TMEM132C: variants seen among roughly 807,000 people sequenced by gnomAD.
TMEM132C encodes transmembrane protein 132C, also known as protein phosphatase 1, regulatory subunit 152.
A neutral mutation model predicts 61.4 loss-of-function variants in TMEM132C; 29 were observed. That is an observed-to-expected ratio of 0.47 (90% CI 0.35 to 0.64). The LOEUF (loss-of-function observed/expected upper bound fraction) is 0.64, where lower values mean the gene tolerates loss of function less well. Ranked by LOEUF, TMEM132C falls within the 30% of genes least tolerant of loss-of-function variation. The pLI is 0.00. For synonymous variants in TMEM132C, 656 were observed against 633.1 expected (o/e 1.04, Z -0.54); for missense variants, 1,408 against 1,476.9 (o/e 0.95, Z 0.76).
intron 1 of TMEM132C, among the ~76,000 whole-genome samples, chr12:128,361,198 G>A (rs1160362948): frequency 1.3e-5 from 2 of 152,182 alleles, no homozygotes; most frequent in African/African-American, 4.8e-5. Context: ...CCAGAGGATT[G>A]GCCTAGGTGG....
chr12:128,559,128 GAC>G (rs1565974197), intron 3 of TMEM132C, among the ~76,000 whole-genome samples: 2 of 148,260 alleles, frequency 1.3e-5, no homozygotes, highest in African/African-American at 2.5e-5. Flanking sequence ...CACACACACA[GAC>G]ACACACAGAC....
intron 2 of TMEM132C, among the ~76,000 whole-genome samples, chr12:128,507,150 T>G (rs1872390291): frequency 6.6e-6 from 1 of 152,172 alleles, no homozygotes; most frequent in Non-Finnish European, 1.5e-5. Flanking sequence ...GTTGGGTTTC[T>G]GCTGCTTACA....
chr12:128,412,246 A>G (rs1868583741), intron 1 of TMEM132C, among the ~76,000 whole-genome samples: 2 of 152,210 alleles, frequency 1.3e-5, no homozygotes, highest in Non-Finnish European at 2.9e-5. Flanking sequence ...AAACATTAAC[A>G]TGATTCCAAA....
At chr12:128,577,870 C>T (rs190697545) in intron 3 of TMEM132C, among the ~76,000 whole-genome samples, 1 of 152,346 alleles carries the variant, frequency 6.6e-6, no homozygotes, top group East Asian at 1.9e-4. Context: ...TTCTTCGCGG[C>T]TCCCCTCAAA....
At chr12:128,605,138 C>G (rs200386673) in intron 3 of TMEM132C, among the ~76,000 whole-genome samples, 37 of 135,282 alleles carry the variant, frequency 2.7e-4, no homozygotes, top group Middle Eastern at 7.6e-3. Context: ...TAGATAGATA[C>G]ATAGATACAT....
intron 1 of TMEM132C, among the ~76,000 whole-genome samples, chr12:128,383,619 C>T (rs1252250142): frequency 6.6e-6 from 1 of 152,160 alleles, no homozygotes; most frequent in Non-Finnish European, 1.5e-5. Context: ...TCTCTCTCCG[C>T]CCCCAGGGGG....
chr12:128,677,702 A>C (rs2135637783), intron 5 of TMEM132C, among the ~76,000 whole-genome samples: 1 of 152,338 alleles, frequency 6.6e-6, no homozygotes, highest in Non-Finnish European at 1.5e-5. Flanking sequence ...GGACTCCTGC[A>C]GCCATGGGTT....
At chr12:128,469,664 A>G (rs9739545) in intron 2 of TMEM132C, among the ~76,000 whole-genome samples, 30,651 of 130,112 alleles carry the variant, frequency 0.24, 3,559 homozygotes, top group African/African-American at 0.4. Flanking sequence ...GTGTGTGTGT[A>G]TATATATATA....
chr12:128,600,720 C>T (rs996367309), intron 3 of TMEM132C, among the ~76,000 whole-genome samples: 5 of 152,198 alleles, frequency 3.3e-5, no homozygotes, highest in Non-Finnish European at 7.3e-5. Flanking sequence ...AGGGAACTCC[C>T]TCTGGCAGTC....
At chr12:128,698,086 C>A (rs1278246026) in intron 8 of TMEM132C, among the ~76,000 whole-genome samples, 1 of 152,134 alleles carries the variant, frequency 6.6e-6, no homozygotes, top group African/African-American at 2.4e-5. Flanking sequence ...CAAGAGAAGC[C>A]CCCTGTTCAT....
chr12:128,663,513 TG>T (rs1954415261), intron 4 of TMEM132C, among the ~76,000 whole-genome samples: 1 of 152,210 alleles, frequency 6.6e-6, no homozygotes, highest in Non-Finnish European at 1.5e-5. Flanking sequence ...ATATTCGAGG[TG>T]GGGCGTTTTA....
intron 3 of TMEM132C, among the ~76,000 whole-genome samples, chr12:128,602,357 G>A (rs1453948579): frequency 6.6e-6 from 1 of 152,168 alleles, no homozygotes; most frequent in Non-Finnish European, 1.5e-5. Flanking sequence ...ATTCTATCTG[G>A]TGGCAGAAAA....
At chr12:128,472,777 C>T (rs536786229) in intron 2 of TMEM132C, among the ~76,000 whole-genome samples, 1 of 152,226 alleles carries the variant, frequency 6.6e-6, no homozygotes, top group East Asian at 1.9e-4. Flanking sequence ...GGCTCCTTTG[C>T]CTGGGAACAG....
At chr12:128,311,874 G>A (rs760713218) in intron 1 of TMEM132C, among the ~76,000 whole-genome samples, 46 of 152,234 alleles carry the variant, frequency 3.0e-4, no homozygotes, top group Non-Finnish European at 5.7e-4. Context: ...CCAGGCCGCC[G>A]TTGACGGTGC....
intron 2 of TMEM132C, among the ~76,000 whole-genome samples, chr12:128,487,316 C>A (rs1016588325): frequency 2.6e-5 from 4 of 152,166 alleles, no homozygotes; most frequent in Non-Finnish European, 4.4e-5. Flanking sequence ...TCTTCCCCGA[C>A]CAACTTCACT....
chr12:128,406,111 G>A (rs1243582708), intron 1 of TMEM132C, among the ~76,000 whole-genome samples: 3 of 152,158 alleles, frequency 2.0e-5, no homozygotes, highest in Non-Finnish European at 4.4e-5. Context: ...GGCTGCAGAG[G>A]GTTGCCATCC....
In TMEM132C at chr12:128,303,135, A is replaced by G. The variant is rs74662827; in HGVS notation, c.85+35648A>G. On this transcript the variant is annotated intron_variant, in intron 1 of 8. Transcript: ENST00000435159. Reference sequence around the variant, plus strand: ...TGGGTGCCAGAGCATTAATGATGCCATGTGGGTTCAGGTTTCTCCTTATGG... The same window carrying G: ...TGGGTGCCAGAGCATTAATGATGCCGTGTGGGTTCAGGTTTCTCCTTATGG... Among the ~76,000 whole-genome samples the G allele has an allele frequency of 4.2e-3, 643 of 152,324 alleles. 6 individuals carry two copies. The highest frequency in any genetic ancestry group is 0.015 in the African/African-American group (611 of 41,580).
chr12:128,562,671 G>A lies in TMEM132C; in HGVS notation c.1121+18568G>A, dbSNP rs114208950. On this transcript the variant is annotated intron_variant, in intron 3 of 8. Transcript: ENST00000435159. ...CCTGGGCTGAGGCTCTGCATGCCTC[G>A]CCTTCCTCCCGTGGAGCAGACAAGG... 8.4e-3 allele frequency among the ~76,000 whole-genome samples: 1,279 copies of A among 152,228 alleles called. 17 individuals are homozygous for A. Among genetic ancestry groups the A allele is most frequent in the African/African-American group, 0.029 (1,224 of 41,536 alleles).
intron 1 of TMEM132C, among the ~76,000 whole-genome samples, chr12:128,359,313 G>A (rs1873620908): frequency 6.6e-6 from 1 of 152,132 alleles, no homozygotes; most frequent in South Asian, 2.1e-4. Flanking sequence ...CTTACATGGT[G>A]GAAGACAAGA....
Sources: allele counts gnomAD v4.1 joint callset (sites outside exome capture counted in the v4.1 genomes callset), GRCh38; gene constraint gnomAD v4.1.1; transcripts MANE v1.5; gene names NCBI Gene and HGNC (gene_info 2026-07-23, HGNC 2026-07-21).